TAF6L: variants seen among roughly 807,000 people sequenced by gnomAD.
The protein encoded by TAF6L is TATA-box binding protein associated factor 6 like, also known as TAF6-like RNA polymerase II p300/CBP-associated factor-associated factor 65 kDa subunit 6L.
TAF6L carries 34 observed loss-of-function variants against 57.3 expected under a neutral mutation model. The observed-to-expected ratio is 0.59, with a 90% CI of 0.45 to 0.79. The LOEUF (loss-of-function observed/expected upper bound fraction) is 0.79. Ranked by LOEUF, TAF6L falls within the 30% of genes least tolerant of loss-of-function variation. TAF6L has a pLI of 0.00. For missense variants in TAF6L, 782 were observed against 853.2 expected (o/e 0.92, Z 1.04); for synonymous variants, 417 against 376.3 (o/e 1.11, Z -1.25).
At position 62,778,000 on chromosome 11, in the gene TAF6L, A is replaced by G. The variant is rs1172765111; in HGVS notation, c.257A>G (p.Gln86Arg). 6.2e-7 allele frequency: 1 copy of G among 1,614,148 alleles called. No homozygotes were observed. The highest frequency in any genetic ancestry group is 1.3e-5 in the African/African-American group (1 of 75,024). Reference protein sequence around the residue: ...SVEAVCGYGSQEALPMRPARE... With the variant: ...SVEAVCGYGSREALPMRPARE... ...CAGGCTGTGTGTGGTTACGGATCAC[A>G]GGAGGCACTGCCCATGCGCCCCGCC... Residue 86 changes from glutamine (Q) to arginine (R), a missense_variant, in exon 4 of 11, where the codon CAG becomes CGG. By Grantham distance (43) the Gln-to-Arg change is conservative. Coordinates refer to ENST00000294168, the MANE Select transcript of TAF6L (RefSeq NM_006473.4).
At chr11:62,776,270 C>A in intron 2 of TAF6L, 114 bp from the exon 3 acceptor site, 1 of 1,039,278 alleles carries the variant, frequency 9.6e-7, no homozygotes, top group Non-Finnish European at 1.5e-6. Context: ...GGCTTCTGAT[C>A]CCTAAGCGTG....
At position 62,775,523 on chromosome 11, in the gene TAF6L, C is replaced by T. The variant is rs1331008256; in HGVS notation, c.-13-248C>T. On this transcript the variant is annotated intron_variant, in intron 1 of 10. Transcript: ENST00000294168. ...TTGGCCAAATTCACATAGAAGGTGACAGGGCAGGAATGGGACCTAGTTCTG... is the reference window on the plus strand; with the variant it reads ...TTGGCCAAATTCACATAGAAGGTGATAGGGCAGGAATGGGACCTAGTTCTG... The T allele has an allele frequency of 3.1e-5, 13 of 414,810 alleles. No individual in the cohort carries two copies. The East Asian group carries it at 3.7e-4, about 12-fold the overall frequency. 25.7% of individuals were successfully genotyped at this position (414,810 alleles called of 1,614,324 possible).
Position 62,777,961 on chromosome 11 carries a change from A to G in TAF6L, c.235-17A>G, listed in dbSNP as rs199668799. On this transcript the variant is annotated splice_polypyrimidine_tract_variant and intron_variant, in intron 3 of 10. Transcript: ENST00000294168. ...CTCCCTGGATTCAGGCTGCTCTCCA[A>G]TTCCCTTTTTCCTCAGGCTGTGTGT... The G allele has an allele frequency of 8.7e-5, 141 of 1,613,460 alleles. No homozygotes were observed. Among genetic ancestry groups the G allele is most frequent in the Admixed American group, 7.5e-4 (45 of 59,982 alleles).
At position 62,786,790 on chromosome 11, in the gene TAF6L, C is replaced by T. The variant is rs767214874; in HGVS notation, c.1363C>T (p.Arg455Cys). The T allele has an allele frequency of 2.5e-6, 4 of 1,611,006 alleles. No homozygotes were observed. Among genetic ancestry groups the T allele is most frequent in the South Asian group, 1.1e-5 (1 of 91,054 alleles). ...CTTCTTCGGTGACAGCTTGGCCACA[C>T]GCTTTGGCACCGGCCAGCCTGCACC... ...YAFFGDSLAT[R>C]FGTGQPAPTA... Residue 455 changes from arginine to cysteine, a missense_variant, in exon 11 of 11, where the codon CGC becomes TGC. Physicochemically the swap from Arg to Cys is radical, Grantham distance 180. Coordinates refer to ENST00000294168, the MANE Select transcript of TAF6L (RefSeq NM_006473.4).
Position 62,782,316 on chromosome 11 carries a change from G to C in TAF6L, c.810G>C (p.Leu270=). The change falls in exon 8 of 11, where the codon CTG becomes CTC. Residue 270 remains leucine (L), a synonymous_variant. Coordinates refer to ENST00000294168, the MANE Select transcript of TAF6L (RefSeq NM_006473.4). ...CTCTGCGGGATGGGGCTGCCCTCCTGCTCAGCCACATCTTCTGGTAGCCAC... is the reference window on the plus strand; with the variant it reads ...CTCTGCGGGATGGGGCTGCCCTCCTCCTCAGCCACATCTTCTGGTAGCCAC... ...HWTLRDGAAL[L]LSHIFWTHGD... 1 of 1,613,656 alleles carries C rather than the reference G, an allele frequency of 6.2e-7. No homozygotes were observed. The highest frequency in any genetic ancestry group is 1.1e-5 in the South Asian group (1 of 91,066).
chr11:62,786,870 G>C lies in TAF6L; in HGVS notation c.1443G>C (p.Ser481=), dbSNP rs771910436. The change falls in exon 11 of 11, where the codon TCG becomes TCC. Residue 481 remains serine (S), a synonymous_variant. Coordinates refer to ENST00000294168, the MANE Select transcript of TAF6L (RefSeq NM_006473.4). The part of the protein sequence containing the change: ...DKKEPAAAPD[S]VRKMPQLTAS... ...AGGAGCCGGCGGCAGCCCCGGACTC[G>C]GTGCGGAAGATGCCGCAGCTGACGG... 2 of 1,581,288 alleles carry C rather than the reference G, an allele frequency of 1.3e-6. No homozygotes were observed. Among genetic ancestry groups the C allele is most frequent in the Admixed American group, 1.8e-5 (1 of 57,038 alleles).
rs746452629 is a variant in TAF6L, at chr11:62,782,294, T to G, written c.788T>G (p.Leu263Arg). Residue 263 changes from leucine to arginine, a missense_variant, in exon 8 of 11, where the codon CTG becomes CGG. Transcript: ENST00000294168. ...SINPLNDHWT[L>R]RDGAALLLSH... is the part of the protein sequence containing the mutation. ...AACCCCCTGAATGACCACTGGACTC[T>G]GCGGGATGGGGCTGCCCTCCTGCTC... 2 of 1,614,046 alleles carry G rather than the reference T, an allele frequency of 1.2e-6. No individual in the cohort carries two copies. Among genetic ancestry groups the G allele is most frequent in the Non-Finnish European group, 1.7e-6 (2 of 1,180,046 alleles).
chr11:62,784,710 T>C (rs2084257680), intron 9 of TAF6L, among the ~76,000 whole-genome samples: 2 of 152,244 alleles, frequency 1.3e-5, no homozygotes, highest in South Asian at 4.1e-4. Context: ...TTTCCAATGT[T>C]ATTACAGATT....
intron 1 of TAF6L, among the ~76,000 whole-genome samples, chr11:62,775,452 G>A (rs1338312710): frequency 6.6e-6 from 1 of 152,210 alleles, no homozygotes; most frequent in African/African-American, 2.4e-5. Flanking sequence ...GAATTATTGT[G>A]CCTGTTTTAC....
At chr11:62,775,493 A>G (rs2084179779) in intron 1 of TAF6L, among the ~76,000 whole-genome samples, 1 of 152,226 alleles carries the variant, frequency 6.6e-6, no homozygotes, top group African/African-American at 2.4e-5. Flanking sequence ...AGACTGATGA[A>G]GGCCTTGGCC....
intron 9 of TAF6L, chr11:62,785,885 G>A (rs1055617203): frequency 1.2e-5 from 2 of 161,922 alleles, no homozygotes; most frequent in Admixed American, 1.2e-4. Context: ...CTGGTTGGTT[G>A]TTTTTATGCA....
At chr11:62,782,613 T>C in intron 8 of TAF6L, 80 bp from the exon 9 acceptor site, 1 of 1,570,458 alleles carries the variant, frequency 6.4e-7, no homozygotes, top group Non-Finnish European at 8.7e-7. Context: ...GTACAGATGC[T>C]ATTCTCTTTG....
Position 62,782,167 on chromosome 11 carries a change from C to T in TAF6L, c.661C>T (p.Arg221Trp), listed in dbSNP as rs2084234879. ...EQLHRLLQVA[R>W]SLFRNPHLCL... is the part of the protein sequence containing the mutation. The stretch of plus-strand genomic sequence containing the variant: ...ACTGCACCGGCTGCTGCAGGTGGCA[C>T]GGAGCCTATTTCGTAATCCGCACCT... Residue 221 changes from arginine (R) to tryptophan (W), a missense_variant, in exon 8 of 11, where the codon CGG (arginine) becomes TGG (tryptophan). Transcript: ENST00000294168. The T allele has an allele frequency of 6.8e-6, 11 of 1,613,702 alleles. No homozygotes were observed. Among genetic ancestry groups the T allele is most frequent in the African/African-American group, 1.3e-5 (1 of 74,906 alleles).
intron 1 of TAF6L, among the ~76,000 whole-genome samples, chr11:62,774,212 G>T (rs2084169316): frequency 6.6e-6 from 1 of 152,086 alleles, no homozygotes; most frequent in South Asian, 2.1e-4. Context: ...GAGTAGCTGG[G>T]ACTACAGGCG....
intron 1 of TAF6L, among the ~76,000 whole-genome samples, chr11:62,773,294 C>T (rs1263672003): frequency 1.3e-5 from 2 of 150,354 alleles, no homozygotes; most frequent in African/African-American, 4.9e-5. Flanking sequence ...ACTACAGGCG[C>T]GGACCACCAT....
chr11:62,779,052 C>T, intron 6 of TAF6L, 89 bp downstream of exon 6: 1 of 1,142,326 alleles, frequency 8.8e-7, no homozygotes, highest in Admixed American at 1.9e-5. Flanking sequence ...CAGAGTTTCG[C>T]TCTTGTTGCC....
intron 1 of TAF6L, among the ~76,000 whole-genome samples, chr11:62,773,456 T>G (rs1422833893): frequency 6.6e-6 from 1 of 151,064 alleles, no homozygotes; most frequent in Non-Finnish European, 1.5e-5. Flanking sequence ...CAATTTTTTT[T>G]TTTTTTTTGA....
chr11:62,782,853 C>T, intron 9 of TAF6L, 28 bp downstream of exon 9: 2 of 1,609,306 alleles, frequency 1.2e-6, no homozygotes, highest in Non-Finnish European at 1.7e-6. Flanking sequence ...TCTCACACAG[C>T]CGTAAGAACT....
intron 8 of TAF6L, 111 bp downstream of exon 8, chr11:62,782,444 C>T: frequency 8.0e-7 from 1 of 1,246,252 alleles, no homozygotes; most frequent in Non-Finnish European, 1.1e-6. Context: ...AGATGGGGAA[C>T]CTTTTCCCTA....
Sources: allele counts gnomAD v4.1 joint callset (sites outside exome capture counted in the v4.1 genomes callset), GRCh38; gene constraint gnomAD v4.1.1; transcripts MANE v1.5; gene names NCBI Gene and HGNC (gene_info 2026-07-23, HGNC 2026-07-21).